The following SHC4 variants were observed in gnomAD, a reference collection of about 807,000 sequenced individuals.
The protein encoded by SHC4 is SHC adaptor protein 4.
Under a neutral mutation model 69.4 loss-of-function variants are expected in SHC4, and 41 were observed. The observed-to-expected ratio is 0.59, with a 90% CI of 0.46 to 0.77. SHC4 has a LOEUF of 0.77. Among genes scored for constraint, SHC4 ranks in the 30% least tolerant of loss-of-function variants. SHC4 has a pLI of 0.00. For synonymous variants in SHC4, 318 were observed against 299.3 expected, an observed-to-expected ratio of 1.06 and a Z score of -0.64; for missense variants, 777 against 783.8, an observed-to-expected ratio of 0.99 and a Z score of 0.10.
At chr15:48,857,500 G>A (rs1040809528) in intron 7 of SHC4, among the ~76,000 whole-genome samples, 192 bp downstream of exon 7, 4 of 151,934 alleles carry the variant, frequency 2.6e-5, no homozygotes, top group Non-Finnish European at 4.4e-5. Flanking sequence ...GATATAACTG[G>A]ATAAATATGA....
chr15:48,947,064 A>C (rs1412785609), intron 1 of SHC4: 2 of 152,204 alleles, frequency 1.3e-5, no homozygotes, highest in Non-Finnish European at 2.9e-5. Context: ...GCTACTCTGA[A>C]AAGTTTTAGT....
intron 10 of SHC4, among the ~76,000 whole-genome samples, chr15:48,837,038 TGTGTGTGAAAAA>T (rs1183932420): frequency 6.6e-6 from 1 of 152,148 alleles, no homozygotes; most frequent in Non-Finnish European, 1.5e-5. Flanking sequence ...TGTGTGTTTG[TGTGTGTGAAAAA>T]GTGTGTGAGT....
At chr15:48,899,657 A>G (rs1480048146) in intron 2 of SHC4, among the ~76,000 whole-genome samples, 1 of 151,504 alleles carries the variant, frequency 6.6e-6, no homozygotes, top group Non-Finnish European at 1.5e-5. Flanking sequence ...TGGGAATTCC[A>G]TTTTTTTAAA....
At chr15:48,885,736 C>T (rs992400893) in intron 3 of SHC4, among the ~76,000 whole-genome samples, 3 of 152,142 alleles carry the variant, frequency 2.0e-5, no homozygotes, top group Non-Finnish European at 4.4e-5. Context: ...ATTTTTAATT[C>T]CAAGCACATT....
rs945791208 is a variant in SHC4, at chr15:48,877,988, C to G, written c.841-5846G>C. ...TGGAAACGTAGCTCAAAAGGCGACG[C>G]CAACACCCCGGAGAAAACACTGAGC... On this transcript the variant is annotated intron_variant, in intron 4 of 11. Coordinates refer to ENST00000332408, the MANE Select transcript of SHC4 (RefSeq NM_203349.4). 1.3e-5 allele frequency: 8 copies of G among 610,946 alleles called. No individual in the cohort carries two copies. The African/African-American group carries it at 1.5e-4, about 11-fold the overall frequency. 37.8% of individuals were successfully genotyped at this position (610,946 alleles called of 1,614,324 possible). A position where few individuals can be genotyped will look rare whatever the true frequency, so the allele number is the denominator to read the frequency against.
chr15:48,856,177 A>C, intron 7 of SHC4, 53 bp from the exon 8 acceptor site: 1 of 1,512,940 alleles, frequency 6.6e-7, no homozygotes, highest in Non-Finnish European at 9.0e-7. Flanking sequence ...CAAATACTGT[A>C]AGGGATGCAA....
chr15:48,870,632 G>A (rs1183588903), intron 5 of SHC4, among the ~76,000 whole-genome samples: 1 of 151,762 alleles, frequency 6.6e-6, no homozygotes, highest in East Asian at 1.9e-4. Flanking sequence ...AGCCAAGATC[G>A]TGCCACTGCA....
At chr15:48,856,630 C>G (rs146545923) in intron 7 of SHC4, among the ~76,000 whole-genome samples, 49 of 151,618 alleles carry the variant, frequency 3.2e-4, no homozygotes, top group Admixed American at 1.2e-3. Flanking sequence ...TGGAGGAGTA[C>G]ATGGGATTAA....
intron 4 of SHC4, among the ~76,000 whole-genome samples, chr15:48,880,619 G>C (rs80187878): frequency 0.062 from 9,418 of 151,932 alleles, 382 homozygotes; most frequent in Middle Eastern, 0.14. Flanking sequence ...GGTGGGGGTG[G>C]GAAACACTAT....
At chr15:48,843,705 G>GTTTTTTCTTTGTAAATAGTAAATAAAATC in intron 9 of SHC4, 117 bp from the exon 10 acceptor site, 2 of 874,370 alleles carry the variant, frequency 2.3e-6, no homozygotes, top group Non-Finnish European at 3.3e-6. Flanking sequence ...CCTATACAAT[G>GTTTTTTCTTTGTAAATAGTAAATAAAATC]ATTGAACACT....
In SHC4 at chr15:48,940,587, G is replaced by A. The variant is rs148023638; in HGVS notation, c.586-15638C>T. Among the ~76,000 whole-genome samples the A allele has an allele frequency of 2.4e-4, 37 of 152,188 alleles. 1 individual carries two copies. In the East Asian group the frequency reaches 4.4e-3, roughly 18 times the overall value. On this transcript the variant is annotated intron_variant, in intron 1 of 11. Transcript: ENST00000332408. Reference sequence around the variant, plus strand: ...AGTGTCAAAGGCCAAAATTTTTGTCGTCAGTTACCATGTCTGGTCAAAGTT... The same window carrying A: ...AGTGTCAAAGGCCAAAATTTTTGTCATCAGTTACCATGTCTGGTCAAAGTT...
At chr15:48,889,572 C>T (rs1443702718) in intron 3 of SHC4, among the ~76,000 whole-genome samples, 4 of 152,176 alleles carry the variant, frequency 2.6e-5, no homozygotes, top group Non-Finnish European at 5.9e-5. Flanking sequence ...CCGCCGGGTG[C>T]GGTGGCTCAC....
Position 48,884,255 on chromosome 15 carries a change from T to C in SHC4, c.833A>G (p.Asn278Ser). ...TGACATTTGTGATCTTACCTGTTGG[T>C]TGTCAAGATTCATCAATGTGAGACT... is the stretch of plus-strand genomic sequence containing the variant. ...TCSLTLMNLD[N>S]QQIIANHHMQ... is the part of the protein sequence containing the mutation. The change falls in exon 4 of 12, where the codon AAC (asparagine) becomes AGC (serine). Residue 278 changes from asparagine (N) to serine (S), a missense_variant. Transcript: ENST00000332408. The C allele has an allele frequency of 1.3e-6, 2 of 1,596,988 alleles. No homozygotes were observed. The highest frequency in any genetic ancestry group is 1.7e-6 in the Non-Finnish European group (2 of 1,175,070).
intron 6 of SHC4, among the ~76,000 whole-genome samples, chr15:48,867,093 T>C (rs1010340317): frequency 3.3e-5 from 5 of 152,200 alleles, no homozygotes; most frequent in African/African-American, 4.8e-5. Context: ...CTCATGAAGA[T>C]TTTAGCCTAG....
chr15:48,856,630 C>T (rs146545923), intron 7 of SHC4, among the ~76,000 whole-genome samples: 3 of 151,728 alleles, frequency 2.0e-5, no homozygotes, highest in African/African-American at 7.3e-5. Context: ...TGGAGGAGTA[C>T]ATGGGATTAA....
intron 9 of SHC4, among the ~76,000 whole-genome samples, chr15:48,846,577 G>A (rs1345833445): frequency 1.3e-5 from 2 of 152,152 alleles, no homozygotes; most frequent in Admixed American, 6.5e-5. Context: ...GGTTGGGAAT[G>A]GTGCCACTTC....
At chr15:48,880,033 T>A (rs1003784840) in intron 4 of SHC4, 3 of 167,116 alleles carry the variant, frequency 1.8e-5, no homozygotes, top group Non-Finnish European at 4.4e-5. Flanking sequence ...ACTAAGATGC[T>A]GAAGTTCTAG....
At chr15:48,959,496 G>C (rs1196452611) in intron 1 of SHC4, among the ~76,000 whole-genome samples, 1 of 152,176 alleles carries the variant, frequency 6.6e-6, no homozygotes, top group Admixed American at 6.5e-5. Context: ...TAGCAAATAA[G>C]TTGGGGCAGG....
intron 4 of SHC4, chr15:48,877,687 T>C (rs1899837266): frequency 1.8e-6 from 1 of 540,850 alleles, no homozygotes; most frequent in Admixed American, 6.4e-5. Context: ...TTTAACTTTT[T>C]AAATGAAAAC....
Sources: allele counts gnomAD v4.1 joint callset (sites outside exome capture counted in the v4.1 genomes callset), GRCh38; gene constraint gnomAD v4.1.1; transcripts MANE v1.5; gene names NCBI Gene and HGNC (gene_info 2026-07-23, HGNC 2026-07-21).